TPR: variants seen among roughly 807,000 people sequenced by gnomAD.
TPR encodes the protein nucleoprotein TPR.
A neutral mutation model predicts 316.1 loss-of-function variants in TPR; 51 were observed. The ratio of observed to expected loss-of-function variants is 0.16; its 90% confidence interval spans 0.13 to 0.20. The LOEUF is 0.20. Among genes scored for constraint, TPR ranks in the 10% least tolerant of loss-of-function variants. The pLI is 1.00. For synonymous variants in TPR, 981 were observed against 914.7 expected (o/e 1.07, Z -1.31); for missense variants, 2,272 against 2,754.8 (o/e 0.82, Z 3.92).
At chr1:186,334,646 T>G (rs1470148626) in intron 35 of TPR, 113 bp from the exon 36 acceptor site, 1 of 1,097,106 alleles carries the variant, frequency 9.1e-7, no homozygotes, top group African/African-American at 1.6e-5. Context: ...TTTCAGAGCC[T>G]TATTAAAGCT....
intron 2 of TPR, among the ~76,000 whole-genome samples, chr1:186,371,485 C>T (rs969814470): frequency 2.0e-5 from 3 of 152,124 alleles, no homozygotes; most frequent in Non-Finnish European, 4.4e-5. Flanking sequence ...CAATTCCTAT[C>T]ATTTATCACT....
intron 48 of TPR, among the ~76,000 whole-genome samples, chr1:186,318,027 T>C (rs180778542): frequency 1.2e-3 from 179 of 152,288 alleles, no homozygotes; most frequent in African/African-American, 4.1e-3. Context: ...CCAGATGAGA[T>C]AGGCTATGGG....
intron 4 of TPR, among the ~76,000 whole-genome samples, chr1:186,366,910 C>T (rs2101989729): frequency 6.6e-6 from 1 of 151,624 alleles, no homozygotes; most frequent in East Asian, 1.9e-4. Context: ...TCAACACACT[C>T]AAGTATTTTG....
intron 4 of TPR, among the ~76,000 whole-genome samples, chr1:186,363,815 A>C (rs1326843448): frequency 6.6e-6 from 1 of 152,100 alleles, no homozygotes; most frequent in African/African-American, 2.4e-5. Context: ...ACAAACTTAA[A>C]AAATTTATCA....
At chr1:186,330,493 C>T (rs1658126106) in intron 39 of TPR, among the ~76,000 whole-genome samples, 4 of 152,112 alleles carry the variant, frequency 2.6e-5, no homozygotes, top group Non-Finnish European at 5.9e-5. Flanking sequence ...AGCTCATTTT[C>T]ATGCTAAAAC....
rs1375486452 is a variant in TPR, at chr1:186,344,005, T to A, written c.3503A>T (p.Asp1168Val). ...LLHDQIEKLSDKVVASVKEGV... is the reference protein window; with the variant it reads ...LLHDQIEKLSVKVVASVKEGV... ...TTCCTTCACAGAGGCAACGACCTTG[T>A]CACTTAATTTTTCGATCTGATCATG... Residue 1168 changes from aspartate to valine, a missense_variant, in exon 26 of 51, where the codon GAC (aspartate) becomes GTC (valine). Physicochemically the swap from Asp to Val is radical, Grantham distance 152. This residue lies in a region of TPR where 757 missense variants were observed against 859.8 expected (regional missense o/e 0.88). Coordinates refer to ENST00000367478, the MANE Select transcript of TPR (RefSeq NM_003292.3). 1.2e-6 allele frequency: 2 copies of A among 1,614,092 alleles called. No individual in the cohort carries two copies. The highest frequency in any genetic ancestry group is 2.7e-5 in the African/African-American group (2 of 74,938).
At chr1:186,370,216 T>C (rs1382280417) in intron 3 of TPR, among the ~76,000 whole-genome samples, 1 of 152,156 alleles carries the variant, frequency 6.6e-6, no homozygotes, top group Non-Finnish European at 1.5e-5. Flanking sequence ...TCCCCAATCA[T>C]CTTTAGAACT....
At chr1:186,355,879 G>A in intron 15 of TPR, 111 bp from the exon 16 acceptor site, 3 of 1,278,328 alleles carry the variant, frequency 2.3e-6, no homozygotes, top group East Asian at 4.7e-5. Flanking sequence ...TAAACTTATT[G>A]AAATGAAACA....
intron 31 of TPR, among the ~76,000 whole-genome samples, chr1:186,337,380 T>C (rs1255654977): frequency 1.3e-5 from 2 of 152,156 alleles, no homozygotes; most frequent in East Asian, 3.8e-4. Context: ...TGATGCATTA[T>C]AGTTGAATTT....
intron 4 of TPR, among the ~76,000 whole-genome samples, chr1:186,366,135 G>C (rs529339808): frequency 6.6e-6 from 1 of 152,276 alleles, no homozygotes; most frequent in East Asian, 1.9e-4. Flanking sequence ...TTAGAGAAAT[G>C]AAAAAGCAAG....
At chr1:186,344,185 G>A (rs562873787) in intron 25 of TPR, 95 bp from the exon 26 acceptor site, 460 of 1,433,270 alleles carry the variant, frequency 3.2e-4, no homozygotes, top group South Asian at 4.2e-4. Context: ...CTGTAATCCC[G>A]ACTACTTGGG....
At position 186,359,954 on chromosome 1, in the gene TPR, C is replaced by T. The variant is rs1659134881; in HGVS notation, c.1234G>A (p.Glu412Lys). ...YVETQDQLLL[E>K]KLENKRINKY... ...TTAATTCTTTTGTTCTCTAGTTTCT[C>T]CAAAAGCAACTGATCCTGAGTTTCC... Residue 412 changes from glutamate (E) to lysine (K), a missense_variant, in exon 12 of 51, where the codon GAG becomes AAG. Glu to Lys is a moderately conservative substitution (Grantham distance 56, BLOSUM62 1). Transcript: ENST00000367478. 3 of 1,608,792 alleles carry T rather than the reference C, an allele frequency of 1.9e-6. No homozygotes were observed. Among genetic ancestry groups the T allele is most frequent in the Non-Finnish European group, 1.7e-6 (2 of 1,178,636 alleles).
intron 25 of TPR, 25 bp from the exon 26 acceptor site, chr1:186,344,115 T>C (rs765586550): frequency 1.9e-6 from 3 of 1,597,262 alleles, no homozygotes; most frequent in African/African-American, 1.4e-5. Flanking sequence ...TCTATCAGAA[T>C]AACAGATTTT....
At chr1:186,374,745 G>A in intron 1 of TPR, 133 bp downstream of exon 1, 1 of 937,908 alleles carries the variant, frequency 1.1e-6, no homozygotes. Flanking sequence ...GAAAGCGAAG[G>A]CTCAGGATAT....
At chr1:186,324,112 G>A (rs979785739) in intron 42 of TPR, among the ~76,000 whole-genome samples, 3 of 151,930 alleles carry the variant, frequency 2.0e-5, no homozygotes, top group African/African-American at 7.3e-5. Flanking sequence ...TTTTTTGGTT[G>A]GTTAATAGAG....
chr1:186,366,879 G>C (rs988882308), intron 4 of TPR, among the ~76,000 whole-genome samples: 2 of 151,706 alleles, frequency 1.3e-5, no homozygotes, highest in South Asian at 4.2e-4. Flanking sequence ...AATTCGTTTA[G>C]TTGTAACTAC....
intron 41 of TPR, 102 bp downstream of exon 41, chr1:186,326,002 G>T: frequency 6.4e-7 from 1 of 1,564,388 alleles, no homozygotes; most frequent in South Asian, 1.2e-5. Flanking sequence ...AACAACCAAA[G>T]GTTTTAGTGA....
intron 46 of TPR, 100 bp from the exon 47 acceptor site, chr1:186,318,928 A>T (rs1657690635): frequency 1.8e-6 from 2 of 1,086,770 alleles, no homozygotes; most frequent in African/African-American, 1.6e-5. Context: ...GGAGATATAC[A>T]ACTTTACTAA....
At chr1:186,357,064 G>C (rs1489077537) in intron 14 of TPR, among the ~76,000 whole-genome samples, 1 of 151,728 alleles carries the variant, frequency 6.6e-6, no homozygotes, top group African/African-American at 2.4e-5. Context: ...TTTTTTGCGG[G>C]CAACAGGGTC....
Sources: allele counts gnomAD v4.1 joint callset (sites outside exome capture counted in the v4.1 genomes callset), GRCh38; gene constraint gnomAD v4.1.1; regional missense constraint gnomAD v4.1.1; transcripts MANE v1.5; gene names NCBI Gene and HGNC (gene_info 2026-07-23, HGNC 2026-07-21).